The following PHIP variants were observed in gnomAD, a reference collection of about 807,000 sequenced individuals.
PHIP encodes the protein PHIP subunit of CUL4-Ring ligase complex.
PHIP carries 54 observed loss-of-function variants against 236.8 expected under a neutral mutation model. That is an observed-to-expected ratio of 0.23 (90% CI 0.18 to 0.29). The LOEUF (loss-of-function observed/expected upper bound fraction) is 0.29, where lower values mean the gene tolerates loss of function less well. Among genes scored for constraint, PHIP ranks in the 10% least tolerant of loss-of-function variants. The probability of loss-of-function intolerance (pLI) is 1.00; values close to 1 mark genes in which losing one functional copy is unlikely to be tolerated. For synonymous variants in PHIP, 756 were observed against 718.9 expected (o/e 1.05, Z -0.83); for missense variants, 1,370 against 2,190.8 (o/e 0.63, Z 7.48).
intron 24 of PHIP, among the ~76,000 whole-genome samples, chr6:78,974,589 C>T (rs1767899313): frequency 6.6e-6 from 1 of 152,080 alleles, no homozygotes; most frequent in Non-Finnish European, 1.5e-5. Flanking sequence ...AATCCAGGAG[C>T]TGGTTTTTTG....
intron 4 of PHIP, among the ~76,000 whole-genome samples, chr6:79,077,123 C>G (rs1220297251): frequency 6.6e-6 from 1 of 151,980 alleles, no homozygotes; most frequent in Non-Finnish European, 1.5e-5. Context: ...CGCCGACTCT[C>G]GCGCGCCCCC....
At chr6:78,981,567 G>A (rs181058622) in intron 23 of PHIP, among the ~76,000 whole-genome samples, 84 of 152,086 alleles carry the variant, frequency 5.5e-4, no homozygotes, top group Middle Eastern at 3.4e-3. Context: ...GTGCATGAAG[G>A]AGCCCATGGT....
chr6:78,965,829 C>A lies in PHIP; in HGVS notation c.3318-65G>T. On this transcript the variant is annotated intron_variant, in intron 28 of 39. Coordinates refer to ENST00000275034, the MANE Select transcript of PHIP (RefSeq NM_017934.7). ...TATTGTATCACAATTTTAATAAAAT[C>A]AATTATCAAAATAATTGCTTCTGTG... is the stretch of plus-strand genomic sequence containing the variant. 4 of 1,185,700 alleles carry A rather than the reference C, an allele frequency of 3.4e-6. No homozygotes were observed. The South Asian group carries it at 5.3e-5, about 16-fold the overall frequency. The allele number at this position is 1,185,700 out of a possible 1,614,324, so 73.4% of individuals were successfully genotyped here.
rs149670376 is a variant in PHIP at position 79,073,560 on chromosome 6, TATG to T, written c.189+3885_189+3887del. ...GAATCCCTACTTCTAAAACATTTAA[TATG>T]ATATCTTTTTTTTTTCCCTGAAAGT... is the stretch of plus-strand genomic sequence containing the variant. On this transcript the variant is annotated intron_variant, in intron 4 of 39. Coordinates refer to ENST00000275034, the MANE Select transcript of PHIP (RefSeq NM_017934.7). Among the ~76,000 whole-genome samples, 892 of 152,324 alleles carry T rather than the reference TATG, an allele frequency of 5.9e-3. 3 individuals are homozygous for T. Among genetic ancestry groups the T allele is most frequent in the African/African-American group, 0.02 (821 of 41,576 alleles).
intron 4 of PHIP, among the ~76,000 whole-genome samples, chr6:79,077,070 G>A (rs568740167): frequency 8.9e-4 from 136 of 152,214 alleles, no homozygotes; most frequent in African/African-American, 3.2e-3. Context: ...GCGAGCAAGC[G>A]AACGAGCGAG....
intron 24 of PHIP, among the ~76,000 whole-genome samples, chr6:78,973,121 C>G (rs1453745102): frequency 1.3e-5 from 2 of 152,014 alleles, no homozygotes; most frequent in African/African-American, 2.4e-5. Context: ...TAAGGGCAGC[C>G]AGAGAGAAAG....
chr6:78,961,905 C>G lies in PHIP; in HGVS notation c.3536-95G>C, dbSNP rs1046716614. 6 of 912,836 alleles carry G rather than the reference C, an allele frequency of 6.6e-6. No homozygotes were observed. The African/African-American group carries it at 1.0e-4, about 16-fold the overall frequency. The allele number at this position is 912,836 out of a possible 1,614,324, so 56.5% of individuals were successfully genotyped here. Reference sequence around the variant, plus strand: ...GAATTAAGACTTAAAAAGTCCTAATCTACATAATCATTAGTCTGCCACTGT... The same window carrying G: ...GAATTAAGACTTAAAAAGTCCTAATGTACATAATCATTAGTCTGCCACTGT... On this transcript the variant is annotated intron_variant, in intron 30 of 39. Coordinates refer to ENST00000275034, the MANE Select transcript of PHIP (RefSeq NM_017934.7).
intron 19 of PHIP, among the ~76,000 whole-genome samples, chr6:78,994,276 G>T (rs567165002): frequency 5.5e-4 from 83 of 152,244 alleles, no homozygotes; most frequent in Non-Finnish European, 4.1e-4. Flanking sequence ...AACAAAGATT[G>T]TAGAAAACTA....
At chr6:79,077,044 C>T (rs531958691) in intron 4 of PHIP, among the ~76,000 whole-genome samples, 11 of 152,228 alleles carry the variant, frequency 7.2e-5, no homozygotes, top group African/African-American at 2.6e-4. Context: ...AAAGCCGAGC[C>T]GGCCGCGCGT....
intron 35 of PHIP, among the ~76,000 whole-genome samples, chr6:78,948,746 G>C (rs935846469): frequency 2.6e-5 from 4 of 152,126 alleles, no homozygotes; most frequent in African/African-American, 4.8e-5. Flanking sequence ...TGCCCGTCTT[G>C]ACCTCCCAAA....
chr6:79,041,119 C>T (rs1236446277), intron 7 of PHIP, among the ~76,000 whole-genome samples: 1 of 152,138 alleles, frequency 6.6e-6, no homozygotes, highest in Admixed American at 6.6e-5. Flanking sequence ...CATATGTTCT[C>T]AGTCAAAACT....
intron 29 of PHIP, among the ~76,000 whole-genome samples, 196 bp from the exon 30 acceptor site, chr6:78,963,448 G>A (rs1193454916): frequency 1.3e-5 from 2 of 152,078 alleles, no homozygotes; most frequent in African/African-American, 2.4e-5. Flanking sequence ...GATACTATAA[G>A]TAATTCTCTA....
rs752079109 is a variant in PHIP at position 78,940,907 on chromosome 6, T to G, written c.5252A>C (p.Asp1751Ala). The G allele has an allele frequency of 7.4e-6, 12 of 1,613,742 alleles. No individual in the cohort carries two copies. In the African/African-American group the frequency reaches 1.1e-4, roughly 14 times the overall value. Residue 1751 changes from aspartate to alanine, a missense_variant, in exon 40 of 40, where the codon GAT (aspartate) becomes GCT (alanine). By Grantham distance (126) the Asp-to-Ala change is moderately radical (BLOSUM62 -2). Transcript: ENST00000275034. ...SNRKKIDDPI[D>A]EEEEFEELKG... Reference sequence around the variant, plus strand: ...GAGTTCTTCAAACTCTTCTTCCTCATCTATAGGATCATCTATCTTTTTTCG... The same window carrying G: ...GAGTTCTTCAAACTCTTCTTCCTCAGCTATAGGATCATCTATCTTTTTTCG...
At chr6:78,973,289 T>A (rs959948712) in intron 24 of PHIP, among the ~76,000 whole-genome samples, 3 of 150,002 alleles carry the variant, frequency 2.0e-5, no homozygotes, top group African/African-American at 7.4e-5. Flanking sequence ...GCTTCATAAG[T>A]GAAGGAGAAA....
intron 7 of PHIP, among the ~76,000 whole-genome samples, chr6:79,030,176 TGA>T (rs1771601109): frequency 6.6e-6 from 1 of 151,710 alleles, no homozygotes; most frequent in Non-Finnish European, 1.5e-5. Flanking sequence ...GGATTAAAAG[TGA>T]GAGGGAGAGA....
At chr6:78,963,001 T>C in intron 30 of PHIP, 96 bp downstream of exon 30, 1 of 1,054,170 alleles carries the variant, frequency 9.5e-7, no homozygotes, top group Non-Finnish European at 1.4e-6. Context: ...TGACTTAGGA[T>C]ATTGTGAAAA....
At chr6:79,075,634 G>GA (rs139203192) in intron 4 of PHIP, among the ~76,000 whole-genome samples, 1,206 of 102,814 alleles carry the variant, frequency 0.012, 16 homozygotes, top group African/African-American at 0.035. Flanking sequence ...CATTTTTACT[G>GA]AAAAAAAAAA....
At chr6:79,007,532 G>C (rs1171942334) in intron 15 of PHIP, among the ~76,000 whole-genome samples, 1 of 151,936 alleles carries the variant, frequency 6.6e-6, no homozygotes, top group Admixed American at 6.5e-5. Flanking sequence ...AATATGAGAA[G>C]TATATGCTTC....
chr6:79,071,897 CTAT>C (rs147406474), intron 4 of PHIP, among the ~76,000 whole-genome samples: 3,175 of 151,236 alleles, frequency 0.021, 112 homozygotes, highest in African/African-American at 0.072. Context: ...CTGCATTAGA[CTAT>C]TATTATTATT....
Sources: allele counts gnomAD v4.1 joint callset (sites outside exome capture counted in the v4.1 genomes callset), GRCh38; gene constraint gnomAD v4.1.1; transcripts MANE v1.5; gene names NCBI Gene and HGNC (gene_info 2026-07-23, HGNC 2026-07-21).